MYO18A: variants seen among roughly 807,000 people sequenced by gnomAD.
MYO18A encodes unconventional myosin-XVIIIa.
Under a neutral mutation model 235.8 loss-of-function variants are expected in MYO18A, and 78 were observed. The ratio of observed to expected loss-of-function variants is 0.33; its 90% confidence interval spans 0.28 to 0.40. The LOEUF is 0.40. Ranked by LOEUF, MYO18A falls within the 10% of genes least tolerant of loss-of-function variation. The pLI is 1.00. For missense variants in MYO18A, 2,215 were observed against 2,699.3 expected (o/e 0.82, Z 3.98); for synonymous variants, 977 against 1,077.8 (o/e 0.91, Z 1.83).
At chr17:29,088,773 C>G (rs1349716752) in intron 37 of MYO18A, among the ~76,000 whole-genome samples, 1 of 152,208 alleles carries the variant, frequency 6.6e-6, no homozygotes, top group Non-Finnish European at 1.5e-5. Flanking sequence ...CATGGTGGCT[C>G]ATGCCTGTAA....
At chr17:29,124,210 C>A (rs1343312345) in intron 2 of MYO18A, among the ~76,000 whole-genome samples, 1 of 152,134 alleles carries the variant, frequency 6.6e-6, no homozygotes, top group Non-Finnish European at 1.5e-5. Flanking sequence ...CCTTAAAGCT[C>A]ATCTGAAAAT....
rs1380423709 is a variant in MYO18A at position 29,166,145 on chromosome 17, G to A, written c.796C>T (p.Leu266=). 1 of 1,613,030 alleles carries A rather than the reference G, an allele frequency of 6.2e-7. No homozygotes were observed. ...FAEPGAGTKD[L]ALGLVPGDRL... is the part of the protein sequence containing the mutation. ...TCTCCTGGCACCAGCCCCAGGGCCAGGTCCTTGGTGCCTGCACCAGGCTCA... is the reference window on the plus strand; with the variant it reads ...TCTCCTGGCACCAGCCCCAGGGCCAAGTCCTTGGTGCCTGCACCAGGCTCA... Residue 266 remains leucine (L), a synonymous_variant, in exon 2 of 42, where the codon CTG becomes TTG. Coordinates refer to ENST00000527372, the MANE Select transcript of MYO18A (RefSeq NM_078471.4).
rs1459049717 is a variant in MYO18A at position 29,121,801 on chromosome 17, C to T, written c.1194+50G>A. 2.5e-6 allele frequency: 4 copies of T among 1,611,930 alleles called. No individual in the cohort carries two copies. The highest frequency in any genetic ancestry group is 2.7e-5 in the African/African-American group (2 of 74,986). ...TGCCAGAGGATGGGCCTGCCCTGCC[C>T]AGTGCACTCCTGAGCCTCCTCCCCC... On this transcript the variant is annotated intron_variant, in intron 4 of 41. Transcript: ENST00000527372. This position sits in a 1 kb window ranked among gnomAD's most constrained non-coding sequence, Gnocchi z 4.2.
At chr17:29,101,329 A>G (rs1349984321) in intron 21 of MYO18A, among the ~76,000 whole-genome samples, 1 of 151,690 alleles carries the variant, frequency 6.6e-6, no homozygotes, top group Non-Finnish European at 1.5e-5. Flanking sequence ...TTTTGGAGAC[A>G]GAGTCTTGCT....
rs750682114 is a variant in MYO18A at position 29,115,488 on chromosome 17, CCA to C, written c.2228-49_2228-48del. 2.5e-6 allele frequency: 4 copies of C among 1,590,486 alleles called. No homozygotes were observed. In the African/African-American group the frequency reaches 4.0e-5, roughly 16 times the overall value. On this transcript the variant is annotated intron_variant, in intron 12 of 41. Coordinates refer to ENST00000527372, the MANE Select transcript of MYO18A (RefSeq NM_078471.4). ...GCTATCTCCTTCTCCCCAGGGCTCC[CCA>C]TCTGGGTAAGCCCCTGACCTGCCCA... is the stretch of plus-strand genomic sequence containing the variant.
intron 20 of MYO18A, among the ~76,000 whole-genome samples, chr17:29,105,130 C>T (rs2152805605): frequency 6.8e-6 from 1 of 148,098 alleles, no homozygotes; most frequent in East Asian, 2.0e-4. Flanking sequence ...TCAGATGGCG[C>T]CACTGCACTC....
intron 37 of MYO18A, among the ~76,000 whole-genome samples, chr17:29,087,799 C>T (rs1253633889): frequency 6.6e-6 from 1 of 152,046 alleles, no homozygotes; most frequent in African/African-American, 2.4e-5. Flanking sequence ...TTGTGTTTAA[C>T]ATCCTATGAG....
At chr17:29,113,393 G>A (rs1042709344) in intron 15 of MYO18A, among the ~76,000 whole-genome samples, 1 of 152,202 alleles carries the variant, frequency 6.6e-6, no homozygotes, top group Non-Finnish European at 1.5e-5. Context: ...GAGTTTGCTA[G>A]GCCAGCCAGT....
chr17:29,083,512 AGG>A (rs879749206), intron 40 of MYO18A, among the ~76,000 whole-genome samples: 52,305 of 140,632 alleles, frequency 0.37, 10,928 homozygotes, highest in East Asian at 0.81. Context: ...ACAGCCACAC[AGG>A]CATGTGTGCG....
chr17:29,074,064 G>C lies in MYO18A; in HGVS notation c.*706C>G, dbSNP rs1008599842. On this transcript the variant is annotated 3_prime_UTR_variant, in exon 42 of 42. Transcript: ENST00000527372. The surrounding 1 kb of genome is among the most constrained non-coding windows in gnomAD (Gnocchi z 4.4). ...CACACACACTTGTCTGCGTAGGCTT[G>C]CTCAACCCAGCCCAGCAGCACCGGA... 1.2e-5 allele frequency: 19 copies of C among 1,613,830 alleles called. No homozygotes were observed. The highest frequency in any genetic ancestry group is 1.5e-5 in the Non-Finnish European group (18 of 1,180,036).
At chr17:29,076,630 G>T (rs1241504817) in intron 41 of MYO18A, 2 of 152,244 alleles carry the variant, frequency 1.3e-5, no homozygotes, top group Non-Finnish European at 2.9e-5. Flanking sequence ...AAGGCACTTA[G>T]GGACTCTGGG....
rs572988823 is a variant in MYO18A, at chr17:29,082,350, C to A, written c.5986G>T (p.Ala1996Ser). ...TTTAAGCTGCCATCATCAGAAGCTG[C>A]CTTGGAAGGTCCCTTGTTTTTTGAC... ...WLSKNKGPSK[A>S]ASDDGSLKSS... is the part of the protein sequence containing the mutation. The change falls in exon 41 of 42, where the codon GCA becomes TCA. Residue 1996 changes from alanine (A) to serine (S), a missense_variant. Physicochemically the swap from Ala to Ser is moderately conservative, Grantham distance 99 (BLOSUM62 1). Transcript: ENST00000527372. 1 of 1,613,992 alleles carries A rather than the reference C, an allele frequency of 6.2e-7. No homozygotes were observed. The highest frequency in any genetic ancestry group is 8.5e-7 in the Non-Finnish European group (1 of 1,179,884).
intron 2 of MYO18A, among the ~76,000 whole-genome samples, chr17:29,145,045 C>A (rs1229739471): frequency 6.6e-6 from 1 of 152,138 alleles, no homozygotes; most frequent in Non-Finnish European, 1.5e-5. Flanking sequence ...CTTTCACAAC[C>A]ATATAGTTGA....
intron 2 of MYO18A, among the ~76,000 whole-genome samples, chr17:29,147,796 C>T (rs925900207): frequency 2.7e-5 from 4 of 148,886 alleles, no homozygotes; most frequent in Non-Finnish European, 5.9e-5. Context: ...ACTTCAGAGG[C>T]TGAGGTGGGA....
At position 29,125,971 on chromosome 17, in the gene MYO18A, A is replaced by G; in HGVS notation, c.1000-3718T>C. 1.0e-6 allele frequency: 1 copy of G among 985,768 alleles called. No individual in the cohort carries two copies. The highest frequency in any genetic ancestry group is 1.2e-6 in the Non-Finnish European group (1 of 829,822). The allele number at this position is 985,768 out of a possible 1,614,324, so 61.1% of individuals were successfully genotyped here. On this transcript the variant is annotated intron_variant, in intron 2 of 41. Coordinates refer to ENST00000527372, the MANE Select transcript of MYO18A (RefSeq NM_078471.4). The surrounding 1 kb of genome is among the most constrained non-coding windows in gnomAD (Gnocchi z 5.1). ...GCTGGACCTTGGCAGCTCCTGCCTAAAGGTTAAACCACTATTAGTCCCAGC... is the reference window on the plus strand; with the variant it reads ...GCTGGACCTTGGCAGCTCCTGCCTAGAGGTTAAACCACTATTAGTCCCAGC...
At chr17:29,159,478 C>CAA (rs201756176) in intron 2 of MYO18A, among the ~76,000 whole-genome samples, 1 of 151,600 alleles carries the variant, frequency 6.6e-6, no homozygotes, top group Admixed American at 6.6e-5. Flanking sequence ...ACAAAACAAA[C>CAA]AAAAAAAACA....
intron 7 of MYO18A, 127 bp from the exon 8 acceptor site, chr17:29,119,562 T>C: frequency 1.6e-6 from 1 of 640,660 alleles, no homozygotes; most frequent in Non-Finnish European, 2.6e-6. Context: ...CATTTTTTTT[T>C]TTTTTTTTTT....
chr17:29,110,405 G>C (rs931204354), intron 18 of MYO18A, 31 bp downstream of exon 18: 1 of 1,548,180 alleles, frequency 6.5e-7, no homozygotes, highest in Admixed American at 1.9e-5. Flanking sequence ...GGGTCCCCAG[G>C]CCTGCCTGCT....
intron 41 of MYO18A, chr17:29,079,818 G>C (rs1341113097): frequency 1.0e-6 from 1 of 985,940 alleles, no homozygotes; most frequent in Admixed American, 6.1e-5. Context: ...TCGACGGCCG[G>C]TGCGTCTGCC....
Sources: gnomAD v4.1 joint callset for allele counts (sites outside exome capture counted in the v4.1 genomes callset) on GRCh38, gnomAD v4.1.1 for gene constraint, Gnocchi (gnomAD v3.1) non-coding constraint, MANE v1.5 for transcripts, NCBI Gene and HGNC (gene_info 2026-07-23, HGNC 2026-07-21) for gene names.